TBC1D2: variants seen among roughly 807,000 people sequenced by gnomAD.
TBC1D2 encodes TBC1 domain family member 2A.
TBC1D2 carries 58 observed loss-of-function variants against 91.1 expected under a neutral mutation model. The ratio of observed to expected loss-of-function variants is 0.64; its 90% CI spans 0.52 to 0.79. The LOEUF is 0.79. TBC1D2 is among the 30% of genes least tolerant of loss of function. The probability of loss-of-function intolerance (pLI) is 0.00; values close to 1 mark genes in which losing one functional copy is unlikely to be tolerated. For missense variants in TBC1D2, 1,080 were observed against 1,208.3 expected (o/e 0.89, Z 1.57); for synonymous variants, 482 against 511.5 (o/e 0.94, Z 0.78).
At chr9:98,200,432 G>T in intron 11 of TBC1D2, 58 bp from the exon 12 acceptor site, 1 of 1,530,490 alleles carries the variant, frequency 6.5e-7, no homozygotes, top group South Asian at 1.2e-5. Context: ...GTCATCCCCG[G>T]AGGGAGGGAA....
chr9:98,201,668 G>C lies in TBC1D2; in HGVS notation c.2272-4C>G. 9 of 1,607,594 alleles carry C rather than the reference G, an allele frequency of 5.6e-6. No individual in the cohort carries two copies. Among genetic ancestry groups the C allele is most frequent in the Non-Finnish European group, 7.6e-6 (9 of 1,176,598 alleles). ...CCTGGAGCACCCGCTGGTCCACCTG[G>C]AAGCCAGCGAGAGGGCCTGTCATCT... On this transcript the variant is annotated splice_region_variant and splice_polypyrimidine_tract_variant and intron_variant, in intron 10 of 12. Coordinates refer to ENST00000465784, the MANE Select transcript of TBC1D2 (RefSeq NM_001267571.2).
At chr9:98,232,340 C>CCGTTTTTTTTTTTTTT (rs1829389731) in intron 4 of TBC1D2, among the ~76,000 whole-genome samples, 1 of 52,050 alleles carries the variant, frequency 1.9e-5, no homozygotes, top group African/African-American at 1.6e-4. Flanking sequence ...TTCTCTTTTT[C>CCGTTTTTTTTTTTTTT]TGTTTTTTTT....
intron 2 of TBC1D2, among the ~76,000 whole-genome samples, chr9:98,249,062 C>T (rs978819997): frequency 6.6e-6 from 1 of 152,100 alleles, no homozygotes; most frequent in Non-Finnish European, 1.5e-5. Flanking sequence ...AGGGTGGAGG[C>T]GGGCGAGGTG....
intron 4 of TBC1D2, among the ~76,000 whole-genome samples, chr9:98,230,342 G>GC (rs1437966410): frequency 6.6e-6 from 1 of 152,162 alleles, no homozygotes; most frequent in Non-Finnish European, 1.5e-5. Flanking sequence ...CACATTTACT[G>GC]CCTACTCTCA....
intron 5 of TBC1D2, 88 bp from the exon 6 acceptor site, chr9:98,221,316 A>T (rs1829097516): frequency 1.4e-6 from 2 of 1,429,462 alleles, no homozygotes; most frequent in South Asian, 1.5e-5. Flanking sequence ...AGTTCTCCTA[A>T]CAACCGTGAG....
In TBC1D2 at chr9:98,199,598, G is replaced by C. The variant is rs1314493340; in HGVS notation, c.2580-10C>G. ...GATGTTCATCAGCTTCCTGGGAGGA[G>C]GGCACAATCAGCCCAGAGCACGTCA... On this transcript the variant is annotated splice_polypyrimidine_tract_variant and intron_variant, in intron 12 of 12. Coordinates refer to ENST00000465784, the MANE Select transcript of TBC1D2 (RefSeq NM_001267571.2). 1 of 1,613,792 alleles carries C rather than the reference G, an allele frequency of 6.2e-7. No homozygotes were observed. Among genetic ancestry groups the C allele is most frequent in the Non-Finnish European group, 8.5e-7 (1 of 1,180,010 alleles).
chr9:98,221,735 CT>C (rs1007899639), intron 5 of TBC1D2, among the ~76,000 whole-genome samples: 70 of 147,670 alleles, frequency 4.7e-4, no homozygotes, highest in Non-Finnish European at 4.5e-4. Flanking sequence ...TGCTTTGAAA[CT>C]TTTTTTTTTT....
chr9:98,235,065 G>T (rs1221949734), intron 3 of TBC1D2, among the ~76,000 whole-genome samples: 1 of 152,050 alleles, frequency 6.6e-6, no homozygotes, highest in Admixed American at 6.6e-5. Context: ...TTAGCCGGGC[G>T]TGGTGGCGCA....
Position 98,255,302 on chromosome 9 carries a change from G to C in TBC1D2, c.240C>G (p.Tyr80Ter). The C allele has an allele frequency of 1.2e-6, 2 of 1,614,260 alleles. No homozygotes were observed. The highest frequency in any genetic ancestry group is 1.7e-6 in the Non-Finnish European group (2 of 1,180,050). Residue 80 changes from tyrosine to a stop codon, truncating the protein, a stop_gained, in exon 1 of 13, where the codon TAC becomes TAG. Coordinates refer to ENST00000465784, the MANE Select transcript of TBC1D2 (RefSeq NM_001267571.2). LOFTEE classifies it high-confidence loss of function. ...FYDERKCQLY[Y>*]SRTAQDANPL... is the part of the protein sequence containing the mutation. The stretch of plus-strand genomic sequence containing the variant: ...GATTGGCATCCTGAGCGGTCCGCGA[G>C]TAATACAGCTGACATTTCCTTTCGT...
intron 9 of TBC1D2, among the ~76,000 whole-genome samples, chr9:98,208,329 C>CATGAAAGACA (rs1239660329): frequency 1.3e-5 from 2 of 152,128 alleles, no homozygotes; most frequent in African/African-American, 4.8e-5. Context: ...GGACCGGTTT[C>CATGAAAGACA]ATGAAAGACA....
chr9:98,204,509 C>A (rs11788019), intron 9 of TBC1D2, among the ~76,000 whole-genome samples: 6,689 of 152,238 alleles, frequency 0.044, 208 homozygotes, highest in Non-Finnish European at 0.069. Context: ...CTGGTCATAA[C>A]GAGCATTTAA....
At chr9:98,209,832 C>T (rs1315959349) in intron 8 of TBC1D2, among the ~76,000 whole-genome samples, 1 of 142,082 alleles carries the variant, frequency 7.0e-6, no homozygotes, top group African/African-American at 2.6e-5. Context: ...TCCCCCCTTC[C>T]TTTCTTTTCT....
chr9:98,232,095 G>A (rs1371554013), intron 4 of TBC1D2, among the ~76,000 whole-genome samples: 1 of 152,138 alleles, frequency 6.6e-6, no homozygotes, highest in Non-Finnish European at 1.5e-5. Context: ...AGGATATACA[G>A]AAAGCCACTG....
At chr9:98,208,623 T>C in intron 9 of TBC1D2, 45 bp downstream of exon 9, 1 of 1,504,946 alleles carries the variant, frequency 6.6e-7, no homozygotes, top group Non-Finnish European at 8.9e-7. Flanking sequence ...GGACCTGCGC[T>C]CCAAAAGGTA....
intron 7 of TBC1D2, 72 bp downstream of exon 7, chr9:98,213,036 C>G: frequency 6.6e-7 from 1 of 1,522,506 alleles, no homozygotes; most frequent in South Asian, 1.1e-5. Context: ...GAGAGTGAGA[C>G]GGAGTGGGCA....
intron 8 of TBC1D2, among the ~76,000 whole-genome samples, chr9:98,210,258 C>T (rs1015008572): frequency 1.3e-5 from 2 of 152,200 alleles, no homozygotes; most frequent in African/African-American, 2.4e-5. Context: ...CAGGGGCCTT[C>T]GAGCATAGCC....
intron 1 of TBC1D2, among the ~76,000 whole-genome samples, chr9:98,254,830 T>C (rs575119974): frequency 1.3e-4 from 20 of 152,336 alleles, no homozygotes; most frequent in African/African-American, 4.8e-4. Flanking sequence ...GTAACTGCAC[T>C]GTCAGGCACA....
chr9:98,218,304 C>T (rs1829016939), intron 6 of TBC1D2, among the ~76,000 whole-genome samples: 3 of 152,100 alleles, frequency 2.0e-5, no homozygotes, highest in Admixed American at 1.3e-4. Flanking sequence ...CGGTGGCTCA[C>T]ACCTGTAATC....
At chr9:98,254,087 C>T (rs1239958604) in intron 1 of TBC1D2, among the ~76,000 whole-genome samples, 1 of 152,144 alleles carries the variant, frequency 6.6e-6, no homozygotes, top group Non-Finnish European at 1.5e-5. Context: ...GCCTGGTCAC[C>T]CGCCAAGTCC....
Sources: allele counts gnomAD v4.1 joint callset (sites outside exome capture counted in the v4.1 genomes callset), GRCh38; gene constraint gnomAD v4.1.1; transcripts MANE v1.5; gene names NCBI Gene and HGNC (gene_info 2026-07-23, HGNC 2026-07-21).